Variants in PCSK6 observed in about 807,000 individuals in gnomAD.
PCSK6 encodes proprotein convertase subtilisin/kexin type 6.
PCSK6 carries 85 observed loss-of-function variants against 123.3 expected under a neutral mutation model. That is an observed-to-expected ratio of 0.69 (90% CI 0.58 to 0.83). The LOEUF (loss-of-function observed/expected upper bound fraction) is 0.83, where lower values mean the gene tolerates loss of function less well. PCSK6 is among the 40% of genes least tolerant of loss of function. PCSK6 has a pLI of 0.00. For synonymous variants in PCSK6, 508 were observed against 516.0 expected (o/e 0.98, Z 0.21); for missense variants, 1,191 against 1,282.3 (o/e 0.93, Z 1.09).
Position 101,431,446 on chromosome 15 carries a change from GTTC to G in PCSK6, c.528_530del (p.Lys176del), listed in dbSNP as rs2056443600. On this transcript the variant is annotated inframe_deletion, in exon 4 of 22. Transcript: ENST00000611716. ...CATTCATTTCCGACCGGCAGCGACT[GTTC>G]TTGTCGCCACAATGCTGTAAGCACG... 6.2e-7 allele frequency: 1 copy of G among 1,613,634 alleles called. No homozygotes were observed. The highest frequency in any genetic ancestry group is 1.3e-5 in the African/African-American group (1 of 74,916).
chr15:101,379,198 G>A (rs144805444), intron 11 of PCSK6, among the ~76,000 whole-genome samples: 3 of 152,362 alleles, frequency 2.0e-5, no homozygotes, highest in South Asian at 2.1e-4. Flanking sequence ...GTCAGTCACC[G>A]CCATGAGGAC....
intron 5 of PCSK6, 112 bp downstream of exon 5, chr15:101,429,875 C>G: frequency 1.1e-6 from 1 of 900,696 alleles, no homozygotes. Context: ...CGCGCCCAGG[C>G]AGGGAAGATA....
chr15:101,329,275 C>T (rs2040325270), intron 15 of PCSK6, among the ~76,000 whole-genome samples: 1 of 152,216 alleles, frequency 6.6e-6, no homozygotes, highest in South Asian at 2.1e-4. Flanking sequence ...TGGGAGTTCT[C>T]CATGTGCTTT....
chr15:101,319,318 C>G lies in PCSK6; in HGVS notation c.2466-896G>C, dbSNP rs187886319. ...TTCTAGATGGGTTTGCCATACTGAG[C>G]AAGGGCTCTGGGGTGCATCTGTCAG... On this transcript the variant is annotated intron_variant, in intron 18 of 21. Coordinates refer to ENST00000611716, the MANE Select transcript of PCSK6 (RefSeq NM_002570.5). Among the ~76,000 whole-genome samples, 679 of 152,146 alleles carry G rather than the reference C, an allele frequency of 4.5e-3. 6 individuals are homozygous for G. The highest frequency in any genetic ancestry group is 0.024 in the Middle Eastern group (7 of 294).
At chr15:101,403,394 A>C (rs1035426170) in intron 6 of PCSK6, among the ~76,000 whole-genome samples, 2 of 150,628 alleles carry the variant, frequency 1.3e-5, no homozygotes, top group East Asian at 1.9e-4. Context: ...CACATTGTGC[A>C]CATGTACCCT....
At chr15:101,459,052 G>A (rs1477483605) in intron 1 of PCSK6, among the ~76,000 whole-genome samples, 1 of 152,152 alleles carries the variant, frequency 6.6e-6, no homozygotes, top group Non-Finnish European at 1.5e-5. Flanking sequence ...AGGGAGAAAG[G>A]CTTCCGGACA....
At chr15:101,474,989 C>T (rs1004132933) in intron 1 of PCSK6, among the ~76,000 whole-genome samples, 1 of 152,140 alleles carries the variant, frequency 6.6e-6, no homozygotes, top group African/African-American at 2.4e-5. Context: ...ATCCATCTGC[C>T]CAAACACACC....
chr15:101,458,941 A>G (rs982751415), intron 1 of PCSK6, among the ~76,000 whole-genome samples: 5 of 152,184 alleles, frequency 3.3e-5, no homozygotes, highest in African/African-American at 1.2e-4. Context: ...TCCCGCAAGC[A>G]TGCTGGATGG....
intron 1 of PCSK6, among the ~76,000 whole-genome samples, chr15:101,469,389 CTG>C (rs2057546465): frequency 6.6e-6 from 1 of 152,186 alleles, no homozygotes; most frequent in African/African-American, 2.4e-5. Flanking sequence ...CCCTGCGTGA[CTG>C]TGTGCAGGCG....
At chr15:101,337,870 G>A (rs2040517512) in intron 13 of PCSK6, among the ~76,000 whole-genome samples, 1 of 152,136 alleles carries the variant, frequency 6.6e-6, no homozygotes, top group Non-Finnish European at 1.5e-5. Context: ...GTGACCATTT[G>A]TTTAACAACC....
At position 101,432,028 on chromosome 15, in the gene PCSK6, A is replaced by G. The variant is rs559840686; in HGVS notation, c.475T>C (p.Tyr159His). 5.0e-6 allele frequency: 8 copies of G among 1,613,680 alleles called. No homozygotes were observed. The African/African-American group carries it at 1.1e-4, about 22-fold the overall frequency. ...RQVRSDPQAL[Y>H]FNDPIWSNMW... ...TTGGACCAAATGGGGTCGTTGAAGT[A>G]AAGGGCCTGCGGGTCACTTCGCACC... The change falls in exon 3 of 22, where the codon TAC becomes CAC. Residue 159 changes from tyrosine to histidine, a missense_variant. Physicochemically the swap from Tyr to His is moderately conservative, Grantham distance 83 (BLOSUM62 2). Coordinates refer to ENST00000611716, the MANE Select transcript of PCSK6 (RefSeq NM_002570.5).
intron 12 of PCSK6, among the ~76,000 whole-genome samples, chr15:101,366,934 G>C (rs2041413946): frequency 6.6e-6 from 1 of 152,256 alleles, no homozygotes; most frequent in African/African-American, 2.4e-5. Flanking sequence ...TGTGGGGAAA[G>C]TTCTGTCCCT....
intron 9 of PCSK6, among the ~76,000 whole-genome samples, chr15:101,387,770 C>T (rs1212028897): frequency 6.6e-6 from 1 of 152,268 alleles, no homozygotes; most frequent in Non-Finnish European, 1.5e-5. Context: ...GTTCCTTCCA[C>T]AGCAGTAGTG....
chr15:101,408,330 T>C (rs2042839690), intron 6 of PCSK6, among the ~76,000 whole-genome samples: 3 of 152,240 alleles, frequency 2.0e-5, no homozygotes, highest in African/African-American at 7.2e-5. Flanking sequence ...GTCTCTCTGC[T>C]TCTTTCTTAT....
intron 1 of PCSK6, among the ~76,000 whole-genome samples, chr15:101,464,868 G>A (rs1281656749): frequency 6.6e-6 from 1 of 152,146 alleles, no homozygotes; most frequent in Non-Finnish European, 1.5e-5. Context: ...ACAGCACCAG[G>A]TTCCCACTCT....
chr15:101,395,242 C>T (rs1596284254), intron 7 of PCSK6, among the ~76,000 whole-genome samples: 1 of 152,102 alleles, frequency 6.6e-6, no homozygotes, highest in African/African-American at 2.4e-5. Flanking sequence ...AAACAGTGCT[C>T]CCCAAACTTG....
At chr15:101,362,479 G>A (rs780486395) in intron 13 of PCSK6, among the ~76,000 whole-genome samples, 7 of 152,140 alleles carry the variant, frequency 4.6e-5, no homozygotes, top group African/African-American at 1.2e-4. Flanking sequence ...GGAACAAAGA[G>A]CAGAGGACCC....
intron 13 of PCSK6, among the ~76,000 whole-genome samples, chr15:101,358,413 A>C (rs1177834159): frequency 1.3e-5 from 2 of 152,104 alleles, no homozygotes; most frequent in Non-Finnish European, 2.9e-5. Context: ...TGTTTGCTCC[A>C]CTGAACTTGG....
chr15:101,318,182 T>TAC (rs2040036150), intron 19 of PCSK6, 137 bp downstream of exon 19: 1 of 648,998 alleles, frequency 1.5e-6, no homozygotes, highest in Non-Finnish European at 2.8e-6. Flanking sequence ...AGGGCCTTTG[T>TAC]ACCTTGTTTT....
Sources: allele counts gnomAD v4.1 joint callset (sites outside exome capture counted in the v4.1 genomes callset), GRCh38; gene constraint gnomAD v4.1.1; transcripts MANE v1.5; gene names NCBI Gene and HGNC (gene_info 2026-07-23, HGNC 2026-07-21).